Variants in DENND1A observed in about 807,000 individuals in gnomAD.
DENND1A encodes the protein DENN domain containing 1A, also known as DENN domain-containing protein 1A.
Under a neutral mutation model 113.7 loss-of-function variants are expected in DENND1A, and 51 were observed. That is an observed-to-expected ratio of 0.45 (90% confidence interval 0.36 to 0.57). The LOEUF is 0.57. DENND1A is among the 20% of genes least tolerant of loss of function. The probability of loss-of-function intolerance (pLI) is 0.00; values close to 1 mark genes in which losing one functional copy is unlikely to be tolerated. For synonymous variants in DENND1A, 565 were observed against 570.8 expected (o/e 0.99, Z 0.14); for missense variants, 1,258 against 1,395.9 (o/e 0.90, Z 1.57).
At position 123,808,043 on chromosome 9, in the gene DENND1A, T is replaced by C. The variant is rs1179287338; in HGVS notation, c.89-15413A>G. On this transcript the variant is annotated intron_variant, in intron 2 of 23. Coordinates refer to ENST00000394215, the MANE Select transcript of DENND1A (RefSeq NM_001352964.2). ...GAGTTCGAGACCAGCCTGCCCAACATGGTGAAACCACGTCTCTACTAAAAA... is the reference window on the plus strand; with the variant it reads ...GAGTTCGAGACCAGCCTGCCCAACACGGTGAAACCACGTCTCTACTAAAAA... 2.6e-5 allele frequency among the ~76,000 whole-genome samples: 4 copies of C among 152,152 alleles called. No individual in the cohort carries two copies. In the East Asian group the frequency reaches 5.8e-4, roughly 22 times the overall value.
chr9:123,663,124 A>G (rs1439369590), intron 8 of DENND1A, among the ~76,000 whole-genome samples: 1 of 152,240 alleles, frequency 6.6e-6, no homozygotes, highest in Non-Finnish European at 1.5e-5. Context: ...TTACTTTCAT[A>G]AGAGTAAAAA....
intron 11 of DENND1A, among the ~76,000 whole-genome samples, chr9:123,589,133 T>A (rs373460149): frequency 6.6e-6 from 1 of 152,184 alleles, no homozygotes; most frequent in East Asian, 1.9e-4. Context: ...TCCACTTAAT[T>A]AAGAACTTTG....
rs1294959422 is a variant in DENND1A, at chr9:123,717,313, A to G, written c.302+40390T>C. 2.0e-5 allele frequency among the ~76,000 whole-genome samples: 3 copies of G among 152,346 alleles called. No homozygotes were observed. In the East Asian group the frequency reaches 5.8e-4, roughly 29 times the overall value. ...TTTGTTGAAAGAATGAATGGGGTCT[A>G]TACCATGGGCCATGCCTTAACTAGG... On this transcript the variant is annotated intron_variant, in intron 5 of 23. Transcript: ENST00000394215.
At chr9:123,864,649 G>A (rs945922928) in intron 2 of DENND1A, among the ~76,000 whole-genome samples, 6 of 151,930 alleles carry the variant, frequency 3.9e-5, no homozygotes, top group African/African-American at 9.7e-5. Flanking sequence ...CAGAAAAATC[G>A]CGGGAGAGAA....
chr9:123,620,005 G>A (rs1356123370), intron 10 of DENND1A, among the ~76,000 whole-genome samples: 1 of 151,868 alleles, frequency 6.6e-6, no homozygotes, highest in Non-Finnish European at 1.5e-5. Context: ...TTGAGGTCAG[G>A]AGTTTGAGAC....
chr9:123,775,265 T>C (rs957131345), intron 3 of DENND1A, among the ~76,000 whole-genome samples: 1 of 152,218 alleles, frequency 6.6e-6, no homozygotes, highest in African/African-American at 2.4e-5. Context: ...ACAATTAGCA[T>C]TCAGTGGCTA....
At chr9:123,690,685 T>C (rs967912127) in intron 5 of DENND1A, among the ~76,000 whole-genome samples, 1 of 150,838 alleles carries the variant, frequency 6.6e-6, no homozygotes, top group African/African-American at 2.4e-5. Flanking sequence ...TTTCTTTCTT[T>C]AAAAAACAAA....
intron 13 of DENND1A, among the ~76,000 whole-genome samples, chr9:123,519,835 G>C (rs1279058544): frequency 6.6e-6 from 1 of 152,074 alleles, no homozygotes; most frequent in Non-Finnish European, 1.5e-5. Flanking sequence ...AAGTCACCAG[G>C]AGAGCATCTG....
chr9:123,738,765 C>G (rs1318930943), intron 5 of DENND1A, among the ~76,000 whole-genome samples: 1 of 152,150 alleles, frequency 6.6e-6, no homozygotes, highest in Non-Finnish European at 1.5e-5. Context: ...GAGAGTAATT[C>G]ACTGGGTTGC....
At chr9:123,893,891 T>C (rs1157408357) in intron 1 of DENND1A, among the ~76,000 whole-genome samples, 1 of 152,174 alleles carries the variant, frequency 6.6e-6, no homozygotes, top group Non-Finnish European at 1.5e-5. Flanking sequence ...GCTTGGCAAG[T>C]AGTAGGCACT....
chr9:123,719,199 A>G (rs1305483379), intron 5 of DENND1A, among the ~76,000 whole-genome samples: 2 of 152,234 alleles, frequency 1.3e-5, no homozygotes, highest in South Asian at 4.1e-4. Context: ...AAAATAGACT[A>G]ACACAGTGGT....
chr9:123,746,201 T>A (rs2069491582), intron 5 of DENND1A, among the ~76,000 whole-genome samples: 1 of 152,210 alleles, frequency 6.6e-6, no homozygotes, highest in Non-Finnish European at 1.5e-5. Context: ...AACACAGGGT[T>A]GTGATCAAAC....
At chr9:123,896,711 T>C (rs756121191) in intron 1 of DENND1A, among the ~76,000 whole-genome samples, 18 of 152,012 alleles carry the variant, frequency 1.2e-4, no homozygotes, top group Non-Finnish European at 5.9e-5. Context: ...AACAAAATAG[T>C]TCTCAAAATA....
intron 13 of DENND1A, among the ~76,000 whole-genome samples, chr9:123,486,836 T>C (rs369414356): frequency 6.6e-6 from 1 of 152,148 alleles, no homozygotes; most frequent in East Asian, 1.9e-4. Flanking sequence ...CCTCTGGGAA[T>C]AGGTAATAAA....
chr9:123,691,241 G>GT (rs1236183053), intron 5 of DENND1A, among the ~76,000 whole-genome samples: 2 of 152,182 alleles, frequency 1.3e-5, no homozygotes, highest in African/African-American at 4.8e-5. Flanking sequence ...ACAAGACACA[G>GT]TGCTGTCTGT....
rs1341509235 is a variant in DENND1A, at chr9:123,457,361, C to G, written c.1173G>C (p.Met391Ile). 30 of 1,613,792 alleles carry G rather than the reference C, an allele frequency of 1.9e-5. No homozygotes were observed. The highest frequency in any genetic ancestry group is 2.5e-5 in the Non-Finnish European group (29 of 1,179,806). ...FSDVFEEEIN[M>I]GEYAGSDKLY... Reference sequence around the variant, plus strand: ...GTTGCTTCTCACCAGCGTACTCGCCCATGTTGATTTCCTCTTCAAAAACAT... The same window carrying G: ...GTTGCTTCTCACCAGCGTACTCGCCGATGTTGATTTCCTCTTCAAAAACAT... The change falls in exon 15 of 24, where the codon ATG (methionine) becomes ATC (isoleucine). Residue 391 changes from methionine to isoleucine, a missense_variant. Physicochemically the swap from Met to Ile is conservative, Grantham distance 10. Coordinates refer to ENST00000394215, the MANE Select transcript of DENND1A (RefSeq NM_001352964.2).
chr9:123,779,872 C>CTTTTT (rs72419269), intron 3 of DENND1A, among the ~76,000 whole-genome samples: 1 of 143,880 alleles, frequency 7.0e-6, no homozygotes, highest in Non-Finnish European at 1.5e-5. Context: ...TTGCATGAGA[C>CTTTTT]TTTTTTTTGA....
At chr9:123,460,002 C>T (rs1352579377) in intron 13 of DENND1A, among the ~76,000 whole-genome samples, 2 of 152,166 alleles carry the variant, frequency 1.3e-5, no homozygotes. Flanking sequence ...AGAAAAACAT[C>T]AGGGCTGCCA....
intron 21 of DENND1A, among the ~76,000 whole-genome samples, chr9:123,392,279 T>C (rs1313316515): frequency 7.2e-5 from 11 of 152,148 alleles, no homozygotes; most frequent in Non-Finnish European, 1.6e-4. Flanking sequence ...CAGCAGCACG[T>C]CACGCTGGCC....
Sources: gnomAD v4.1 joint callset for allele counts (sites outside exome capture counted in the v4.1 genomes callset) on GRCh38, gnomAD v4.1.1 for gene constraint, MANE v1.5 for transcripts, NCBI Gene and HGNC (gene_info 2026-07-23, HGNC 2026-07-21) for gene names.